The following PYGB variants were observed in gnomAD, a reference collection of about 807,000 sequenced individuals.
The protein encoded by PYGB is glycogen phosphorylase, brain form.
A neutral mutation model predicts 94.3 loss-of-function variants in PYGB; 82 were observed. That is an observed-to-expected ratio of 0.87 (90% CI 0.73 to 1.04). PYGB has a LOEUF of 1.04. Among genes scored for constraint, PYGB ranks in the 50% least tolerant of loss-of-function variants. PYGB has a pLI of 0.00. For missense variants in PYGB, 1,132 were observed against 1,158.2 expected (o/e 0.98, Z 0.33); for synonymous variants, 488 against 479.1 (o/e 1.02, Z -0.24).
At chr20:25,281,989 AGGGCACAG>A in intron 11 of PYGB, 36 bp from the exon 12 acceptor site, 1 of 1,509,426 alleles carries the variant, frequency 6.6e-7, no homozygotes, top group East Asian at 2.3e-5. Context: ...CACCTGGTGC[AGGGCACAG>A]CATTTGTGAC....
chr20:25,275,511 T>TCC lies in PYGB; in HGVS notation c.660+788_660+789insCC, dbSNP rs1394992293. 5.3e-5 allele frequency among the ~76,000 whole-genome samples: 8 copies of TCC among 152,292 alleles called. No individual in the cohort carries two copies. In the East Asian group the frequency reaches 1.4e-3, roughly 26 times the overall value. ...AGCCTGGAGGCTGGGTGGTCACTGG[T>TCC]GTGCAGAGGGAGTTGTCTTGACTTT... On this transcript the variant is annotated intron_variant, in intron 5 of 19. Coordinates refer to ENST00000216962, the MANE Select transcript of PYGB (RefSeq NM_002862.4).
chr20:25,259,400 AT>A, intron 2 of PYGB, 62 bp downstream of exon 2: 4 of 1,337,722 alleles, frequency 3.0e-6, no homozygotes, highest in Non-Finnish European at 3.2e-6. Flanking sequence ...GTCTGAATCC[AT>A]TTTCCCACAG....
intron 1 of PYGB, among the ~76,000 whole-genome samples, chr20:25,257,348 T>C (rs1385340524): frequency 6.6e-6 from 1 of 152,224 alleles, no homozygotes; most frequent in African/African-American, 2.4e-5. Context: ...GATGTCTGCA[T>C]GCAACCTGGA....
chr20:25,297,229 G>A lies in PYGB; in HGVS notation c.*707G>A, dbSNP rs201341841. ...GGGTGCTTGTGTCTGCTGTCTCAGA[G>A]GCCTTGGTCAGGATGAAGTTGGCTG... On this transcript the variant is annotated 3_prime_UTR_variant, in exon 20 of 20. Coordinates refer to ENST00000216962, the MANE Select transcript of PYGB (RefSeq NM_002862.4). The A allele has an allele frequency of 6.6e-6, 1 of 152,316 alleles. No individual in the cohort carries two copies. The highest frequency in any genetic ancestry group is 1.5e-5 in the Non-Finnish European group (1 of 68,094). The allele number at this position is 152,316 out of a possible 1,614,324, so 9.4% of individuals were successfully genotyped here.
chr20:25,274,538 C>T (rs911347659), intron 4 of PYGB, 54 bp from the exon 5 acceptor site: 71 of 1,591,752 alleles, frequency 4.5e-5, no homozygotes, highest in African/African-American at 1.1e-4. Context: ...CAGGACAGGG[C>T]GGTGGCCTGG....
At chr20:25,294,094 G>C in intron 17 of PYGB, 64 bp from the exon 18 acceptor site, 1 of 1,586,256 alleles carries the variant, frequency 6.3e-7, no homozygotes, top group East Asian at 2.3e-5. Context: ...CACCAACATG[G>C]CTTGTTCTCC....
chr20:25,295,405 T>TA (rs1236304233), intron 18 of PYGB, among the ~76,000 whole-genome samples, 199 bp from the exon 19 acceptor site: 2 of 152,254 alleles, frequency 1.3e-5, no homozygotes, highest in African/African-American at 4.8e-5. Context: ...TCCCAGGACA[T>TA]AAGTGTTGCT....
intron 9 of PYGB, 135 bp downstream of exon 9, chr20:25,279,284 C>A (rs1439121884): frequency 2.1e-6 from 2 of 939,934 alleles, no homozygotes; most frequent in Non-Finnish European, 3.1e-6. Context: ...AGGAGAGACG[C>A]GAGCTGTGGG....
Position 25,254,065 on chromosome 20 carries a change from C to G in PYGB, c.244-5172C>G, listed in dbSNP as rs551867565. Among the ~76,000 whole-genome samples, 4 of 103,948 alleles carry G rather than the reference C, an allele frequency of 3.8e-5. No individual in the cohort carries two copies. The South Asian group carries it at 9.2e-4, about 24-fold the overall frequency. 68.2% of individuals were successfully genotyped at this position (103,948 alleles called of 152,430 possible). A position where few individuals can be genotyped will look rare whatever the true frequency, so the allele number is the denominator to read the frequency against. ...CCAGCCTGGGCAACGGAGCGAGACT[C>G]TGTCTCAAAAAAAAAAAAAAAAACT... On this transcript the variant is annotated intron_variant, in intron 1 of 19. Transcript: ENST00000216962.
At chr20:25,287,841 C>G (rs528069584) in intron 14 of PYGB, among the ~76,000 whole-genome samples, 1 of 152,096 alleles carries the variant, frequency 6.6e-6, no homozygotes, top group South Asian at 2.1e-4. Context: ...ATTAGCTGGG[C>G]GCAGTGGCAC....
In PYGB at chr20:25,274,675, CG is replaced by C. The variant is rs1293328171; in HGVS notation, c.614del (p.Gly205AspfsTer10). On this transcript the variant is annotated frameshift_variant, in exon 5 of 20. Transcript: ENST00000216962. LOFTEE classifies it high-confidence loss of function. ...AGTATATGCTTCCCGTGCACTTCTA[CG>C]GACGCGTGGAGCACACCCCCGACGG... ...PEYMLPVHFY[G>X]RVEHTPDGVK... The C allele has an allele frequency of 3.7e-6, 6 of 1,613,688 alleles. No homozygotes were observed. Among genetic ancestry groups the C allele is most frequent in the Non-Finnish European group, 8.5e-7 (1 of 1,180,044 alleles).
At position 25,292,864 on chromosome 20, in the gene PYGB, T is replaced by G. The variant is rs911975519; in HGVS notation, c.2177+251T>G. On this transcript the variant is annotated intron_variant, in intron 17 of 19. Coordinates refer to ENST00000216962, the MANE Select transcript of PYGB (RefSeq NM_002862.4). ...CCTGTCTCGGCTCTGAGGCTGAATC[T>G]GCGGAGTCCAGACCAGGGGCTCCTC... 5.3e-5 allele frequency among the ~76,000 whole-genome samples: 8 copies of G among 152,120 alleles called. No individual in the cohort carries two copies. In the East Asian group the frequency reaches 9.8e-4, roughly 19 times the overall value.
intron 1 of PYGB, among the ~76,000 whole-genome samples, chr20:25,252,438 A>G (rs79311385): frequency 0.065 from 9,892 of 152,174 alleles, 995 homozygotes; most frequent in African/African-American, 0.22. Flanking sequence ...CTGTCTACCT[A>G]GATGTAGCCT....
chr20:25,280,346 C>A lies in PYGB; in HGVS notation c.1173C>A (p.Ser391=), dbSNP rs773721381. ...AGGCCTTGGAGCGCTGGCCCGTGTC[C>A]ATGTTTGAGAAGCTGCTGCCGCGGC... ...LPEALERWPV[S]MFEKLLPRHL... Residue 391 remains serine, a synonymous_variant, in exon 10 of 20, where the codon TCC becomes TCA. Transcript: ENST00000216962. 6.2e-7 allele frequency: 1 copy of A among 1,614,140 alleles called. No homozygotes were observed. Among genetic ancestry groups the A allele is most frequent in the Admixed American group, 1.7e-5 (1 of 60,032 alleles).
chr20:25,250,472 CT>C (rs1568680620), intron 1 of PYGB, among the ~76,000 whole-genome samples: 4 of 152,182 alleles, frequency 2.6e-5, no homozygotes, highest in African/African-American at 9.7e-5. Context: ...AAGTTGTAAA[CT>C]TTTAGATCTC....
At chr20:25,274,403 T>C (rs930235759) in intron 4 of PYGB, among the ~76,000 whole-genome samples, 189 bp from the exon 5 acceptor site, 2 of 152,250 alleles carry the variant, frequency 1.3e-5, no homozygotes, top group East Asian at 1.9e-4. Flanking sequence ...GTTACTTTAG[T>C]GTCCACTGTG....
intron 13 of PYGB, among the ~76,000 whole-genome samples, chr20:25,283,742 C>A (rs2088390881): frequency 6.6e-6 from 1 of 152,218 alleles, no homozygotes; most frequent in Admixed American, 6.5e-5. Flanking sequence ...GCCTGTCGAG[C>A]TTGGCCTCCT....
intron 15 of PYGB, among the ~76,000 whole-genome samples, chr20:25,290,216 T>C (rs939642797): frequency 1.3e-5 from 2 of 152,364 alleles, no homozygotes; most frequent in Non-Finnish European, 2.9e-5. Flanking sequence ...TTTTACCTTG[T>C]AATTTCTGAA....
chr20:25,285,945 C>G (rs2088414421), intron 14 of PYGB, among the ~76,000 whole-genome samples: 1 of 152,220 alleles, frequency 6.6e-6, no homozygotes, highest in African/African-American at 2.4e-5. Context: ...TCAAAACGGC[C>G]TGGACCCTTC....
Sources: allele counts gnomAD v4.1 joint callset (sites outside exome capture counted in the v4.1 genomes callset), GRCh38; gene constraint gnomAD v4.1.1; transcripts MANE v1.5; gene names NCBI Gene and HGNC (gene_info 2026-07-23, HGNC 2026-07-21).